The following ARAP2 variants were observed in gnomAD, a reference collection of about 807,000 sequenced individuals.
ARAP2 encodes the protein arf-GAP with Rho-GAP domain, ANK repeat and PH domain-containing protein 2.
A neutral mutation model predicts 194.5 loss-of-function variants in ARAP2; 148 were observed. The observed-to-expected ratio is 0.76, with a 90% CI of 0.67 to 0.87. The LOEUF is 0.87. Among genes scored for constraint, ARAP2 ranks in the 40% least tolerant of loss-of-function variants. The probability of loss-of-function intolerance (pLI) is 0.00; values close to 1 mark genes in which losing one functional copy is unlikely to be tolerated. For synonymous variants in ARAP2, 695 were observed against 683.5 expected, an observed-to-expected ratio of 1.02 and a Z score of -0.26; for missense variants, 2,128 against 1,989.7, an observed-to-expected ratio of 1.07 and a Z score of -1.32.
intron 5 of ARAP2, among the ~76,000 whole-genome samples, chr4:36,034,128 A>G (rs1373979119): frequency 6.6e-6 from 1 of 152,084 alleles, no homozygotes; most frequent in East Asian, 1.9e-4. Context: ...TTCACTATTC[A>G]GGCTCTTTTT....
Position 36,121,211 on chromosome 4 carries a change from C to G in ARAP2, c.3862G>C (p.Asp1288His). ...ATTTCTACATAATTATTAATTAGGT[C>G]CTCAATTACATTCACTTCTTCACTA... ...QTSEEVNVIE[D>H]LINNYVEIFE... is the part of the protein sequence containing the mutation. The change falls in exon 23 of 33, where the codon GAC (aspartate) becomes CAC (histidine). Residue 1288 changes from aspartate (D) to histidine (H), a missense_variant. By Grantham distance (81) the Asp-to-His change is moderately conservative. Coordinates refer to ENST00000303965, the MANE Select transcript of ARAP2 (RefSeq NM_015230.4). 3.7e-6 allele frequency: 6 copies of G among 1,601,546 alleles called. No individual in the cohort carries two copies. The highest frequency in any genetic ancestry group is 5.1e-6 in the Non-Finnish European group (6 of 1,173,264).
intron 1 of ARAP2, among the ~76,000 whole-genome samples, chr4:36,229,960 G>GT (rs1751111984): frequency 6.6e-6 from 1 of 152,214 alleles, no homozygotes; most frequent in African/African-American, 2.4e-5. Flanking sequence ...CAGTAAGTCA[G>GT]TAAGATTGGA....
chr4:36,096,611 T>C (rs534941148), intron 27 of ARAP2, among the ~76,000 whole-genome samples: 2 of 152,180 alleles, frequency 1.3e-5, no homozygotes, highest in East Asian at 1.9e-4. Flanking sequence ...AATAAACATA[T>C]ATAACAAACC....
At chr4:36,055,711 G>A (rs1723391630) in intron 2 of ARAP2, among the ~76,000 whole-genome samples, 1 of 150,138 alleles carries the variant, frequency 6.7e-6, no homozygotes, top group African/African-American at 2.5e-5. Flanking sequence ...TTACAGGCAT[G>A]TACCACCATG....
chr4:36,119,787 G>A, intron 23 of ARAP2, 69 bp from the exon 24 acceptor site: 1 of 1,076,850 alleles, frequency 9.3e-7, no homozygotes, highest in Non-Finnish European at 1.4e-6. Context: ...TCATCCTCAT[G>A]TAATCTTCAG....
intron 19 of ARAP2, among the ~76,000 whole-genome samples, chr4:36,145,415 A>G (rs1429841052): frequency 6.6e-6 from 1 of 152,008 alleles, no homozygotes; most frequent in African/African-American, 2.4e-5. Context: ...TCCTAAGTGA[A>G]TTAACACAGA....
At chr4:36,138,953 C>T (rs1727526164) in intron 19 of ARAP2, among the ~76,000 whole-genome samples, 1 of 151,590 alleles carries the variant, frequency 6.6e-6, no homozygotes, top group Non-Finnish European at 1.5e-5. Context: ...TGCTTGTTGG[C>T]TATTCATAGA....
chr4:36,146,166 A>T (rs1363369762), intron 19 of ARAP2, among the ~76,000 whole-genome samples: 1 of 151,968 alleles, frequency 6.6e-6, no homozygotes, highest in African/African-American at 2.4e-5. Flanking sequence ...TATCTAATCC[A>T]TCAGCAGATC....
At position 36,177,868 on chromosome 4, in the gene ARAP2, C is replaced by G; in HGVS notation, c.1816G>C (p.Val606Leu). 1 of 1,612,998 alleles carries G rather than the reference C, an allele frequency of 6.2e-7. No homozygotes were observed. Among genetic ancestry groups the G allele is most frequent in the Non-Finnish European group, 8.5e-7 (1 of 1,179,454 alleles). ...LRGYKAKIFT[V>L]LSGNSVWLCK... ...AGCCACACACTGTTTCCACTTAACA[C>G]AGTAAAAATTTTTGCCTTATAGCCT... Residue 606 changes from valine to leucine, a missense_variant, in exon 9 of 33, where the codon GTG becomes CTG. By Grantham distance (32) the Val-to-Leu change is conservative. Coordinates refer to ENST00000303965, the MANE Select transcript of ARAP2 (RefSeq NM_015230.4).
At position 36,125,095 on chromosome 4, in the gene ARAP2, T is replaced by C. The variant is rs984931344; in HGVS notation, c.3641-128A>G. 7.1e-6 allele frequency: 4 copies of C among 566,814 alleles called. No homozygotes were observed. The African/African-American group carries it at 7.6e-5, about 11-fold the overall frequency. 35.1% of individuals were successfully genotyped at this position (566,814 alleles called of 1,614,324 possible). A position where few individuals can be genotyped will look rare whatever the true frequency, so the allele number is the denominator to read the frequency against. On this transcript the variant is annotated intron_variant, in intron 21 of 32. Coordinates refer to ENST00000303965, the MANE Select transcript of ARAP2 (RefSeq NM_015230.4). ...AATAGGTGATACAATCAGGTTTCAG[T>C]AGACAATCGTTCAAAGTTCTAAAGT...
intron 2 of ARAP2, among the ~76,000 whole-genome samples, chr4:36,227,443 G>A (rs1253099752): frequency 1.3e-5 from 2 of 152,132 alleles, no homozygotes; most frequent in East Asian, 1.9e-4. Context: ...CCATCAAAAC[G>A]TTTATGCTCT....
chr4:36,114,421 C>T lies in ARAP2; in HGVS notation c.4039-134G>A, dbSNP rs3942689. The T allele has an allele frequency of 6.1e-3, 3,688 of 603,500 alleles. 92 individuals carry two copies. Among genetic ancestry groups the T allele is most frequent in the African/African-American group, 0.059 (3,129 of 52,698 alleles). The allele number at this position is 603,500 out of a possible 1,614,324, so 37.4% of individuals were successfully genotyped here. A position where few individuals can be genotyped will look rare whatever the true frequency, so the allele number is the denominator to read the frequency against. Reference sequence around the variant, plus strand: ...TTGAGCATGGTTAAAACCAGCTTCCCTAATCCCATACAGAAAACAGCATGT... The same window carrying T: ...TTGAGCATGGTTAAAACCAGCTTCCTTAATCCCATACAGAAAACAGCATGT... On this transcript the variant is annotated intron_variant, in intron 25 of 32. Transcript: ENST00000303965.
intron 17 of ARAP2, 50 bp downstream of exon 17, chr4:36,148,355 C>A (rs917984684): frequency 7.2e-7 from 1 of 1,395,810 alleles, no homozygotes. Flanking sequence ...CACAGACTCC[C>A]AGTTCACAAT....
intron 1 of ARAP2, among the ~76,000 whole-genome samples, chr4:36,234,875 T>C (rs1752165454): frequency 6.6e-6 from 1 of 152,208 alleles, no homozygotes. Flanking sequence ...ATAAGCATGG[T>C]GCATCATGTA....
At chr4:36,145,815 A>AACT (rs1354510915) in intron 19 of ARAP2, among the ~76,000 whole-genome samples, 4 of 151,860 alleles carry the variant, frequency 2.6e-5, no homozygotes, top group African/African-American at 9.7e-5. Context: ...CTATGTCTTC[A>AACT]ACTCTCTTTT....
At position 36,067,867 on chromosome 4, in the gene ARAP2, A is replaced by ATAT. The variant is rs955846969; in HGVS notation, c.*37_*39dup. 4 of 1,526,156 alleles carry ATAT rather than the reference A, an allele frequency of 2.6e-6. No homozygotes were observed. In the African/African-American group the frequency reaches 4.2e-5, roughly 16 times the overall value. 94.5% of individuals were successfully genotyped at this position (1,526,156 alleles called of 1,614,324 possible). On this transcript the variant is annotated 3_prime_UTR_variant, in exon 33 of 33. Transcript: ENST00000303965. ...GAGTTACACATAAAGATTGCATACA[A>ATAT]TATTAAAAAAATAATCTGGGGAGCA...
chr4:36,214,535 A>AGTAAAAT (rs1747490704), intron 2 of ARAP2, 55 bp from the exon 3 acceptor site: 1 of 1,177,988 alleles, frequency 8.5e-7, no homozygotes, highest in Non-Finnish European at 1.2e-6. Context: ...GATATTTATG[A>AGTAAAAT]GTAAAATTAA....
intron 9 of ARAP2, among the ~76,000 whole-genome samples, 170 bp downstream of exon 9, chr4:36,177,657 G>A (rs532170036): frequency 2.0e-5 from 3 of 152,076 alleles, no homozygotes; most frequent in East Asian, 3.9e-4. Context: ...CTTGCTGGTG[G>A]AGACACCAAG....
intron 5 of ARAP2, among the ~76,000 whole-genome samples, chr4:36,211,281 TA>T (rs1333260131): frequency 6.6e-6 from 1 of 152,076 alleles, no homozygotes; most frequent in Non-Finnish European, 1.5e-5. Flanking sequence ...TGAGGAAAAA[TA>T]TTGCAGCACA....
Sources: allele counts gnomAD v4.1 joint callset (sites outside exome capture counted in the v4.1 genomes callset), GRCh38; gene constraint gnomAD v4.1.1; transcripts MANE v1.5; gene names NCBI Gene and HGNC (gene_info 2026-07-23, HGNC 2026-07-21).